The following STK32C variants were observed in gnomAD, a reference collection of about 807,000 sequenced individuals.
The protein encoded by STK32C is serine/threonine-protein kinase 32C.
In STK32C, 31 loss-of-function variants were observed where a neutral mutation model predicts 56.5. That is an observed-to-expected ratio of 0.55 (90% CI 0.41 to 0.74). STK32C has a LOEUF of 0.74. STK32C is among the 30% of genes least tolerant of loss of function. The pLI, the probability that STK32C is intolerant of heterozygous loss-of-function variation, is 0.00. For synonymous variants in STK32C, 309 were observed against 289.4 expected, an observed-to-expected ratio of 1.07 and a Z score of -0.69; for missense variants, 544 against 676.9, an observed-to-expected ratio of 0.80 and a Z score of 2.18.
At chr10:132,300,257 G>A (rs553561249) in intron 1 of STK32C, among the ~76,000 whole-genome samples, 2 of 152,276 alleles carry the variant, frequency 1.3e-5, no homozygotes, top group South Asian at 4.1e-4. Flanking sequence ...ATAAATTGGG[G>A]GCGACACTGA....
chr10:132,302,227 G>C (rs2065930545), intron 1 of STK32C, among the ~76,000 whole-genome samples: 1 of 152,204 alleles, frequency 6.6e-6, no homozygotes, highest in African/African-American at 2.4e-5. Context: ...CACCTCCAAG[G>C]CATCCTCGCA....
chr10:132,235,514 A>AAAAAAAG (rs2063253938), intron 2 of STK32C, among the ~76,000 whole-genome samples: 1 of 149,764 alleles, frequency 6.7e-6, no homozygotes. Flanking sequence ...AAAAAAAAAA[A>AAAAAAAG]GGAAAGAAAT....
chr10:132,282,379 G>A (rs2065239900), intron 1 of STK32C, among the ~76,000 whole-genome samples: 2 of 152,220 alleles, frequency 1.3e-5, no homozygotes, highest in African/African-American at 4.8e-5. Context: ...GCAGTTTTCT[G>A]GTGGCTGATG....
At chr10:132,234,356 C>T (rs2063202594) in intron 2 of STK32C, among the ~76,000 whole-genome samples, 1 of 152,242 alleles carries the variant, frequency 6.6e-6, no homozygotes, top group South Asian at 2.1e-4. Context: ...ACGTCCCTTC[C>T]TCTTCTGCCA....
intron 2 of STK32C, among the ~76,000 whole-genome samples, chr10:132,233,832 G>A (rs1448386112): frequency 6.6e-6 from 1 of 152,232 alleles, no homozygotes. Context: ...TTGCCGTGGG[G>A]CTAAGGCACA....
In STK32C at chr10:132,210,694, G is replaced by A. The variant is rs139195167; in HGVS notation, c.1252-1593C>T. Among the ~76,000 whole-genome samples, 740 of 152,340 alleles carry A rather than the reference G, an allele frequency of 4.9e-3. 4 individuals are homozygous for A. The highest frequency in any genetic ancestry group is 0.017 in the African/African-American group (707 of 41,574). ...ACGTGCGTCACACTCGGACGTGCCC[G>A]CCAAGATAAAGGACAAGCGGTCTCA... On this transcript the variant is annotated intron_variant, in intron 10 of 11. Coordinates refer to ENST00000298630, the MANE Select transcript of STK32C (RefSeq NM_173575.4).
At chr10:132,328,308 G>T (rs1359644867) in intron 1 of STK32C, among the ~76,000 whole-genome samples, 2 of 152,066 alleles carry the variant, frequency 1.3e-5, no homozygotes, top group Admixed American at 1.3e-4. Flanking sequence ...TTCTGCTCCT[G>T]GGTGGGTGCC....
intron 1 of STK32C, among the ~76,000 whole-genome samples, chr10:132,306,664 C>A (rs188666445): frequency 6.6e-6 from 1 of 152,226 alleles, no homozygotes; most frequent in Non-Finnish European, 1.5e-5. Flanking sequence ...TACCTCTGCA[C>A]GCTATCTATA....
chr10:132,272,913 T>A (rs2064874233), intron 1 of STK32C, among the ~76,000 whole-genome samples: 1 of 152,154 alleles, frequency 6.6e-6, no homozygotes, highest in Non-Finnish European at 1.5e-5. Flanking sequence ...TGCTGCGCTC[T>A]CTGAAGCAGC....
Position 132,331,808 on chromosome 10 carries a change from C to T in STK32C, c.-72G>A, listed in dbSNP as rs369101139. ...ACCCTCGCGGTCTCTACTTGCCCGT[C>T]GACCACCACCCCTTCAAGGCCGCGG... On this transcript the variant is annotated 5_prime_UTR_variant, in exon 1 of 2. Coordinates refer to the STK32C transcript ENST00000368619. 367 of 1,587,972 alleles carry T rather than the reference C, an allele frequency of 2.3e-4. 1 individual carries two copies. The African/African-American group carries it at 4.3e-3, about 18-fold the overall frequency.
chr10:132,272,830 G>T (rs1438137743), intron 1 of STK32C, among the ~76,000 whole-genome samples: 9 of 152,292 alleles, frequency 5.9e-5, no homozygotes, highest in African/African-American at 1.9e-4. Flanking sequence ...CCTTCCGGCT[G>T]CCAGCAAGCC....
intron 1 of STK32C, among the ~76,000 whole-genome samples, chr10:132,304,982 G>C (rs189926939): frequency 2.0e-5 from 3 of 152,216 alleles, no homozygotes; most frequent in Non-Finnish European, 4.4e-5. Flanking sequence ...GCTGCTTAGC[G>C]GGAAGGTACC....
chr10:132,328,132 A>G (rs1162103597), intron 1 of STK32C, among the ~76,000 whole-genome samples: 1 of 152,188 alleles, frequency 6.6e-6, no homozygotes, highest in Non-Finnish European at 1.5e-5. Flanking sequence ...CGGGCTGTGC[A>G]GGAGACCGGA....
At chr10:132,230,215 T>C in intron 2 of STK32C, among the ~76,000 whole-genome samples, 1 of 152,252 alleles carries the variant, frequency 6.6e-6, no homozygotes, top group East Asian at 1.9e-4. Context: ...AATTGTTATT[T>C]TGAAAGCCAG....
chr10:132,242,097 G>A (rs2137888725), intron 2 of STK32C, among the ~76,000 whole-genome samples: 1 of 115,626 alleles, frequency 8.6e-6, no homozygotes, highest in Admixed American at 9.4e-5. Flanking sequence ...GTGACACAGT[G>A]AGACCCTGAC....
intron 10 of STK32C, chr10:132,209,333 T>TG (rs759868564): frequency 3.5e-5 from 25 of 709,572 alleles, no homozygotes; most frequent in Non-Finnish European, 4.9e-5. Flanking sequence ...CCCTTGCCTC[T>TG]GGGTGGATGG....
Position 132,272,759 on chromosome 10 carries a change from G to A in STK32C, c.263-26804C>T, listed in dbSNP as rs144507756. ...GGCGTCGTCCTTTTGAAACAAACATGTCAAGCCCCGCTCTGCTCAAAGGCT... is the reference window on the plus strand; with the variant it reads ...GGCGTCGTCCTTTTGAAACAAACATATCAAGCCCCGCTCTGCTCAAAGGCT... On this transcript the variant is annotated intron_variant, in intron 1 of 11. Transcript: ENST00000298630. 3.3e-4 allele frequency among the ~76,000 whole-genome samples: 51 copies of A among 152,272 alleles called. No homozygotes were observed. The East Asian group carries it at 9.3e-3, about 28-fold the overall frequency.
chr10:132,292,206 G>C (rs77375698), intron 1 of STK32C, among the ~76,000 whole-genome samples: 1 of 152,126 alleles, frequency 6.6e-6, no homozygotes, highest in South Asian at 2.1e-4. Flanking sequence ...GCACCTCCAC[G>C]AGGAGTAGAC....
intron 10 of STK32C, among the ~76,000 whole-genome samples, chr10:132,210,226 C>T (rs2062249078): frequency 1.3e-5 from 2 of 152,168 alleles, no homozygotes; most frequent in Admixed American, 6.5e-5. Context: ...GTCACAGTGT[C>T]GTCTGTGCCT....
Sources: gnomAD v4.1 joint callset for allele counts (sites outside exome capture counted in the v4.1 genomes callset) on GRCh38, gnomAD v4.1.1 for gene constraint, MANE v1.5 for transcripts, NCBI Gene and HGNC (gene_info 2026-07-23, HGNC 2026-07-21) for gene names.